Variants in ENPEP observed in about 807,000 individuals in gnomAD.
The protein encoded by ENPEP is AP-A.
In ENPEP, 103 loss-of-function variants were observed where a neutral mutation model predicts 114.5. That is an observed-to-expected ratio of 0.90 (90% CI 0.77 to 1.06). The LOEUF (loss-of-function observed/expected upper bound fraction) is 1.06, where lower values mean the gene tolerates loss of function less well. ENPEP is among the 50% of genes least tolerant of loss of function. The pLI, the probability that ENPEP is intolerant of heterozygous loss-of-function variation, is 0.00. For synonymous variants in ENPEP, 420 were observed against 422.0 expected (o/e 1.00, Z 0.06); for missense variants, 1,196 against 1,161.3 (o/e 1.03, Z -0.43).
chr4:110,550,417 T>C (rs1379106175), intron 17 of ENPEP, among the ~76,000 whole-genome samples: 1 of 152,094 alleles, frequency 6.6e-6, no homozygotes, highest in Non-Finnish European at 1.5e-5. Context: ...CTTTGGCTGA[T>C]TTGAGCCAAT....
At chr4:110,511,966 G>C (rs1725593687) in intron 6 of ENPEP, among the ~76,000 whole-genome samples, 1 of 152,030 alleles carries the variant, frequency 6.6e-6, no homozygotes, top group Non-Finnish European at 1.5e-5. Context: ...GTTTTGCCAT[G>C]ATGGCCAGGC....
chr4:110,550,384 C>T (rs1216618504), intron 17 of ENPEP, among the ~76,000 whole-genome samples: 3 of 152,040 alleles, frequency 2.0e-5, no homozygotes, highest in Non-Finnish European at 4.4e-5. Flanking sequence ...TGATCCTTTG[C>T]TCACTAGGGT....
intron 11 of ENPEP, among the ~76,000 whole-genome samples, chr4:110,534,557 G>T (rs1415429346): frequency 7.5e-6 from 1 of 133,176 alleles, no homozygotes; most frequent in East Asian, 2.3e-4. Context: ...GCCCAGGCCG[G>T]AGTGCAGTGG....
chr4:110,507,126 C>T (rs1229200028), intron 4 of ENPEP, among the ~76,000 whole-genome samples: 1 of 152,166 alleles, frequency 6.6e-6, no homozygotes, highest in Non-Finnish European at 1.5e-5. Flanking sequence ...GCTCTGCCTC[C>T]CTGTCATCAG....
intron 1 of ENPEP, among the ~76,000 whole-genome samples, chr4:110,477,897 A>G (rs1158300392): frequency 6.6e-6 from 1 of 152,158 alleles, no homozygotes; most frequent in Non-Finnish European, 1.5e-5. Flanking sequence ...AGTGGCTACT[A>G]CCAGAGCTAT....
Position 110,491,168 on chromosome 4 carries a change from A to C in ENPEP, c.918+4A>C, listed in dbSNP as rs779797705. ...AATATCAAATAGTGGAAAACCTGTG[A>C]GTCTCATTATATTTTAAAAATTTAC... On this transcript the variant is annotated splice_donor_region_variant and intron_variant, in intron 3 of 19. Transcript: ENST00000265162. 6.3e-7 allele frequency: 1 copy of C among 1,592,428 alleles called. No homozygotes were observed. The highest frequency in any genetic ancestry group is 1.2e-5 in the South Asian group (1 of 86,460).
intron 3 of ENPEP, 56 bp downstream of exon 3, chr4:110,491,220 T>C: frequency 7.0e-7 from 1 of 1,433,140 alleles, no homozygotes; most frequent in South Asian, 1.3e-5. Context: ...ATTAATTATC[T>C]ACCTTTTTTG....
intron 1 of ENPEP, among the ~76,000 whole-genome samples, chr4:110,485,895 T>C (rs1461551328): frequency 1.3e-5 from 2 of 152,044 alleles, no homozygotes; most frequent in Admixed American, 6.5e-5. Context: ...TAGAGACACA[T>C]TGTGCTGGTT....
At chr4:110,537,292 A>G (rs1472549815) in intron 11 of ENPEP, among the ~76,000 whole-genome samples, 1 of 152,186 alleles carries the variant, frequency 6.6e-6, no homozygotes, top group African/African-American at 2.4e-5. Context: ...GAACTTCTCC[A>G]AAACCCTGGT....
chr4:110,530,539 A>T (rs1297594372), intron 10 of ENPEP, among the ~76,000 whole-genome samples: 44 of 152,334 alleles, frequency 2.9e-4, no homozygotes, highest in Non-Finnish European at 2.9e-4. Context: ...TGTTAAGTGT[A>T]TATATCAAAA....
rs1202942151 is a variant in ENPEP, at chr4:110,476,556, G to C, written c.142G>C (p.Asp48His). The C allele has an allele frequency of 6.2e-7, 1 of 1,612,960 alleles. No homozygotes were observed. The highest frequency in any genetic ancestry group is 1.7e-5 in the Admixed American group (1 of 60,002). The change falls in exon 1 of 20, where the codon GAC becomes CAC. Residue 48 changes from aspartate to histidine, a missense_variant. Coordinates refer to ENST00000265162, the MANE Select transcript of ENPEP (RefSeq NM_001977.4). ...GACCAGATCGTGTGACTCCAGCGGG[G>C]ACGGCGGGCCGGGCACTGCGCCAGC... Reference protein sequence around the residue: ...GLTRSCDSSGDGGPGTAPAPS... With the variant: ...GLTRSCDSSGHGGPGTAPAPS...
At chr4:110,539,801 A>G (rs1305979590) in intron 11 of ENPEP, among the ~76,000 whole-genome samples, 1 of 40,286 alleles carries the variant, frequency 2.5e-5, no homozygotes, top group Non-Finnish European at 5.1e-5. Context: ...CATTCATATC[A>G]TCACCTAAGA....
At chr4:110,491,405 GC>G in intron 3 of ENPEP, among the ~76,000 whole-genome samples, 1 of 152,182 alleles carries the variant, frequency 6.6e-6, no homozygotes, top group Non-Finnish European at 1.5e-5. Flanking sequence ...GGAAACATGT[GC>G]TGTAAGTCAA....
At chr4:110,535,713 G>A (rs115064051) in intron 11 of ENPEP, among the ~76,000 whole-genome samples, 38 of 152,322 alleles carry the variant, frequency 2.5e-4, no homozygotes, top group South Asian at 8.3e-4. Flanking sequence ...AGGGCTGGGC[G>A]CGGTGGCTCA....
chr4:110,517,211 A>G (rs1413149374), intron 8 of ENPEP, among the ~76,000 whole-genome samples: 1 of 152,160 alleles, frequency 6.6e-6, no homozygotes, highest in Non-Finnish European at 1.5e-5. Context: ...AAGTGCTGGG[A>G]TTACAGCCAT....
At chr4:110,546,506 G>A (rs950588196) in intron 13 of ENPEP, among the ~76,000 whole-genome samples, 2 of 151,862 alleles carry the variant, frequency 1.3e-5, no homozygotes, top group African/African-American at 2.4e-5. Flanking sequence ...GGGACGAATG[G>A]CAAAGAGAAC....
rs1726910219 is a variant in ENPEP at position 110,543,011 on chromosome 4, C to T, written c.1945-4C>T. 6.2e-7 allele frequency: 1 copy of T among 1,612,914 alleles called. No individual in the cohort carries two copies. The highest frequency in any genetic ancestry group is 8.5e-7 in the Non-Finnish European group (1 of 1,179,326). ...TTTTTATCTCTCTTTCTCCCTCTTC[C>T]CAGACATTTTCTTCAGCAGATCGTG... On this transcript the variant is annotated splice_region_variant and splice_polypyrimidine_tract_variant and intron_variant, in intron 12 of 19. Coordinates refer to ENST00000265162, the MANE Select transcript of ENPEP (RefSeq NM_001977.4).
intron 1 of ENPEP, among the ~76,000 whole-genome samples, chr4:110,487,531 C>T (rs1336843225): frequency 1.1e-4 from 16 of 151,738 alleles, no homozygotes; most frequent in Admixed American, 5.3e-4. Context: ...TGTGTGCGCA[C>T]GTGTGTGTGT....
intron 8 of ENPEP, chr4:110,519,032 A>G (rs1394075178): frequency 1.3e-5 from 6 of 452,948 alleles, no homozygotes; most frequent in Non-Finnish European, 2.7e-5. Flanking sequence ...ACTTTCTGTA[A>G]TGAATACCTA....
Sources: allele counts gnomAD v4.1 joint callset (sites outside exome capture counted in the v4.1 genomes callset), GRCh38; gene constraint gnomAD v4.1.1; transcripts MANE v1.5; gene names NCBI Gene and HGNC (gene_info 2026-07-23, HGNC 2026-07-21).